The following CTNND2 variants were observed in gnomAD, a reference collection of about 807,000 sequenced individuals.
The protein encoded by CTNND2 is catenin delta 2, also known as catenin delta-2.
A neutral mutation model predicts 144.4 loss-of-function variants in CTNND2; 22 were observed. The ratio of observed to expected loss-of-function variants is 0.15; its 90% CI spans 0.11 to 0.22. CTNND2 has a LOEUF of 0.22. Ranked by LOEUF, CTNND2 falls within the 10% of genes least tolerant of loss-of-function variation. CTNND2 has a pLI of 1.00. For synonymous variants in CTNND2, 751 were observed against 695.6 expected (o/e 1.08, Z -1.25); for missense variants, 1,353 against 1,618.8 (o/e 0.84, Z 2.82).
intron 9 of CTNND2, among the ~76,000 whole-genome samples, chr5:11,250,481 CTCTCTCTCTCTATA>C (rs1245778475): frequency 1.7e-4 from 11 of 64,190 alleles, no homozygotes; most frequent in African/African-American, 8.4e-4. Flanking sequence ...CTCTCTCTCT[CTCTCTCTCTCTATA>C]TATATATATA....
At chr5:11,126,338 T>A (rs997814413) in intron 12 of CTNND2, among the ~76,000 whole-genome samples, 10 of 152,244 alleles carry the variant, frequency 6.6e-5, no homozygotes, top group Non-Finnish European at 1.3e-4. Flanking sequence ...CATAATTTTT[T>A]AAATTAATAC....
At chr5:11,440,764 C>G (rs908898106) in intron 3 of CTNND2, among the ~76,000 whole-genome samples, 16 of 152,288 alleles carry the variant, frequency 1.1e-4, no homozygotes, top group Admixed American at 9.2e-4. Context: ...TTGGAAAAAT[C>G]TAATGTATGA....
At chr5:11,395,597 C>T (rs963888314) in intron 6 of CTNND2, among the ~76,000 whole-genome samples, 1 of 152,188 alleles carries the variant, frequency 6.6e-6, no homozygotes, top group Non-Finnish European at 1.5e-5. Context: ...AACTTTAAAG[C>T]AACTTTGAAT....
chr5:11,409,922 T>G (rs1433623357), intron 5 of CTNND2, among the ~76,000 whole-genome samples: 1 of 152,094 alleles, frequency 6.6e-6, no homozygotes, highest in Non-Finnish European at 1.5e-5. Flanking sequence ...TTTAATTTGT[T>G]TACTTTTTAT....
chr5:11,517,630 G>C (rs1030598214), intron 3 of CTNND2, among the ~76,000 whole-genome samples: 25 of 151,844 alleles, frequency 1.6e-4, no homozygotes, highest in Admixed American at 8.5e-4. Context: ...GGGGGTGTAG[G>C]GGGCAAGGGG....
At chr5:11,748,616 T>G (rs1347091436) in intron 1 of CTNND2, among the ~76,000 whole-genome samples, 1 of 152,082 alleles carries the variant, frequency 6.6e-6, no homozygotes, top group Admixed American at 6.6e-5. Context: ...ATTTATAGCA[T>G]TTCTTTACCG....
Position 11,747,160 on chromosome 5 carries a change from A to G in CTNND2, c.38-14888T>C, listed in dbSNP as rs893645236. 5.9e-5 allele frequency among the ~76,000 whole-genome samples: 9 copies of G among 152,188 alleles called. 1 individual carries two copies. The highest frequency in any genetic ancestry group is 3.3e-4 in the Admixed American group (5 of 15,262). On this transcript the variant is annotated intron_variant, in intron 1 of 21. Coordinates refer to ENST00000304623, the MANE Select transcript of CTNND2 (RefSeq NM_001332.4). ...CATCAACAACCATCCTAGTTCCCCC[A>G]GACAACACAAATATATTTCAACAGC...
intron 1 of CTNND2, among the ~76,000 whole-genome samples, chr5:11,784,730 A>G (rs1031939543): frequency 8.5e-5 from 13 of 152,188 alleles, no homozygotes; most frequent in African/African-American, 3.1e-4. Flanking sequence ...GAAGAAGCAA[A>G]CCCCATGAAT....
At chr5:11,478,259 C>G (rs769719893) in intron 3 of CTNND2, among the ~76,000 whole-genome samples, 12 of 152,166 alleles carry the variant, frequency 7.9e-5, no homozygotes, top group Non-Finnish European at 4.4e-5. Flanking sequence ...CATGGGCCCA[C>G]TGCTTTTGCT....
chr5:10,985,633 A>AGATGGCAGTTTTTCAGGTTATCTTT (rs1737843101), intron 20 of CTNND2, among the ~76,000 whole-genome samples: 2 of 152,234 alleles, frequency 1.3e-5, no homozygotes, highest in Admixed American at 1.3e-4. Flanking sequence ...GAAACAAGGA[A>AGATGGCAGTTTTTCAGGTTATCTTT]GATGGCAGTT....
intron 1 of CTNND2, among the ~76,000 whole-genome samples, chr5:11,833,060 T>C (rs1411792554): frequency 6.6e-6 from 1 of 152,162 alleles, no homozygotes; most frequent in Non-Finnish European, 1.5e-5. Context: ...AATGGAAAAG[T>C]GGATGGCAAT....
chr5:11,653,070 C>CGTGTGTGT lies in CTNND2; in HGVS notation c.174+79058_174+79065dup, dbSNP rs58056553. On this transcript the variant is annotated intron_variant, in intron 2 of 21. Transcript: ENST00000304623. ...TTCTTTTTTAAGGCTGAACAAAATT[C>CGTGTGTGT]GTGTGTGTGTGTGTGTGTGTGTGTG... Among the ~76,000 whole-genome samples, 93 of 143,588 alleles carry CGTGTGTGT rather than the reference C, an allele frequency of 6.5e-4. 1 individual carries two copies. Among genetic ancestry groups the CGTGTGTGT allele is most frequent in the East Asian group, 5.0e-3 (23 of 4,570 alleles). The allele number at this position is 143,588 out of a possible 152,430, so 94.2% of individuals were successfully genotyped here. A position where few individuals can be genotyped will look rare whatever the true frequency, so the allele number is the denominator to read the frequency against.
chr5:11,350,513 CAT>C (rs762162120), intron 8 of CTNND2, among the ~76,000 whole-genome samples: 15 of 152,126 alleles, frequency 9.9e-5, no homozygotes, highest in South Asian at 4.1e-4. Context: ...AAATCACAAT[CAT>C]GTGTAGTTTC....
intron 1 of CTNND2, among the ~76,000 whole-genome samples, chr5:11,753,575 A>C (rs886599645): frequency 1.3e-5 from 2 of 151,652 alleles, no homozygotes; most frequent in African/African-American, 4.8e-5. Flanking sequence ...GGTTCGTTTG[A>C]AATTTGTTGA....
chr5:11,685,804 A>T (rs1784622117), intron 2 of CTNND2, among the ~76,000 whole-genome samples: 1 of 152,204 alleles, frequency 6.6e-6, no homozygotes, highest in Admixed American at 6.5e-5. Flanking sequence ...ATTATTTCCC[A>T]GTCTAGAGGT....
intron 7 of CTNND2, among the ~76,000 whole-genome samples, chr5:11,382,440 T>C (rs769431984): frequency 2.0e-5 from 3 of 151,624 alleles, no homozygotes; most frequent in Admixed American, 6.6e-5. Context: ...CTCTACAAAA[T>C]ATACAAAAAT....
chr5:11,197,138 G>C (rs1444890289), intron 11 of CTNND2, among the ~76,000 whole-genome samples: 1 of 152,176 alleles, frequency 6.6e-6, no homozygotes, highest in Admixed American at 6.5e-5. Flanking sequence ...TCCTTTACTA[G>C]AGTGGAAGCT....
intron 7 of CTNND2, among the ~76,000 whole-genome samples, chr5:11,365,175 T>C (rs1337921022): frequency 6.6e-6 from 1 of 152,232 alleles, no homozygotes; most frequent in Admixed American, 6.5e-5. Flanking sequence ...CAAAACCTAA[T>C]GAATGTAGCT....
chr5:11,299,564 G>A (rs1258947154), intron 9 of CTNND2, among the ~76,000 whole-genome samples: 2 of 152,156 alleles, frequency 1.3e-5, no homozygotes, highest in African/African-American at 2.4e-5. Flanking sequence ...CTATTCTATC[G>A]CTCATCACCT....
Sources: allele counts gnomAD v4.1 joint callset (sites outside exome capture counted in the v4.1 genomes callset), GRCh38; gene constraint gnomAD v4.1.1; transcripts MANE v1.5; gene names NCBI Gene and HGNC (gene_info 2026-07-23, HGNC 2026-07-21).